Variants in RASSF3 observed in about 807,000 individuals in gnomAD.
RASSF3 encodes the protein Ras association domain family member 3, also known as ras association domain-containing protein 3.
In RASSF3, 19 loss-of-function variants were observed where a neutral mutation model predicts 19.9. The observed-to-expected ratio is 0.96, with a 90% CI of 0.67 to 1.40. The LOEUF (loss-of-function observed/expected upper bound fraction) is 1.40, where lower values mean the gene tolerates loss of function less well. Ranked by LOEUF, RASSF3 falls within the 40% of genes most tolerant of loss-of-function variation. The pLI, the probability that RASSF3 is intolerant of heterozygous loss-of-function variation, is 0.00. For missense variants in RASSF3, 306 were observed against 289.8 expected (o/e 1.06, Z -0.41); for synonymous variants, 110 against 104.2 (o/e 1.06, Z -0.34).
At chr12:64,545,434 A>T (rs1260668286), downstream of RASSF3, among the ~76,000 whole-genome samples, 3 of 152,214 alleles carry the variant, frequency 2.0e-5, no homozygotes, top group African/African-American at 7.2e-5. Context: ...AATTTTAGAA[A>T]ATGATGAAGT....
At chr12:64,541,852 C>T, downstream of RASSF3, 1 of 394,722 alleles carries the variant, frequency 2.5e-6, no homozygotes. Flanking sequence ...TGCTTCTCTC[C>T]TTGCCGCCTG....
chr12:64,596,146 T>C (rs956986628), intron 2 of RASSF3, among the ~76,000 whole-genome samples: 1 of 152,216 alleles, frequency 6.6e-6, no homozygotes, highest in Non-Finnish European at 1.5e-5. Flanking sequence ...GATCAGACCC[T>C]TTTTGTCCAA....
intron 2 of RASSF3, among the ~76,000 whole-genome samples, chr12:64,554,967 C>T (rs760742782): frequency 6.6e-6 from 1 of 152,030 alleles, no homozygotes; most frequent in African/African-American, 2.4e-5. Flanking sequence ...TTTTAGGCCA[C>T]TTATGGTGGC....
chr12:64,607,277 C>CA (rs1239058842), upstream of RASSF3, among the ~76,000 whole-genome samples: 486 of 123,880 alleles, frequency 3.9e-3, 1 homozygote, highest in East Asian at 0.01. Flanking sequence ...GGCCCTGTCT[C>CA]AAAAAAAAAA....
intron 1 of RASSF3, among the ~76,000 whole-genome samples, chr12:64,680,680 C>T (rs1442180622): frequency 6.6e-6 from 1 of 151,854 alleles, no homozygotes; most frequent in Non-Finnish European, 1.5e-5. Context: ...ATGGCGTGAT[C>T]TCGGCTTACT....
At chr12:64,641,442 A>G (rs11175492) in intron 1 of RASSF3, among the ~76,000 whole-genome samples, 20,993 of 113,842 alleles carry the variant, frequency 0.18, 2,164 homozygotes, top group African/African-American at 0.33. Flanking sequence ...AAAACAAATG[A>G]GAAACCCTAT....
intron 1 of RASSF3, among the ~76,000 whole-genome samples, chr12:64,620,006 C>T (rs908431113): frequency 9.3e-5 from 2 of 21,536 alleles, no homozygotes. Flanking sequence ...GAAATTAGTG[C>T]AGGTTGACTG....
chr12:64,611,923 C>T (rs1038955357), intron 1 of RASSF3, among the ~76,000 whole-genome samples: 1 of 152,090 alleles, frequency 6.6e-6, no homozygotes, highest in Admixed American at 6.6e-5. Flanking sequence ...GGAGAGGAGA[C>T]GGTGAAGGGT....
At chr12:64,573,312 AAAAC>A (rs1256401136) in intron 2 of RASSF3, among the ~76,000 whole-genome samples, 1 of 152,194 alleles carries the variant, frequency 6.6e-6, no homozygotes, top group African/African-American at 2.4e-5. Flanking sequence ...ACCTGTCTTA[AAAAC>A]AAACAAACAA....
intron 1 of RASSF3, among the ~76,000 whole-genome samples, chr12:64,644,917 TA>T (rs1871677865): frequency 6.6e-6 from 1 of 151,764 alleles, no homozygotes; most frequent in African/African-American, 2.4e-5. Context: ...AAATAAAAAA[TA>T]AAAAAATTAG....
intron 2 of RASSF3, among the ~76,000 whole-genome samples, chr12:64,553,559 CAGA>C (rs1387532299): frequency 6.6e-6 from 1 of 152,194 alleles, no homozygotes; most frequent in Non-Finnish European, 1.5e-5. Context: ...CACCAAATCT[CAGA>C]AGGAGACGAG....
At position 64,683,772 on chromosome 12, in the gene RASSF3, C is replaced by T. The variant is rs1456697390; in HGVS notation, c.112-1015C>T. ...AGAAATGGCCAATCTAGCAGGCATG[C>T]TGAGGAAATGATGTTTTTGCAGAAG... is the stretch of plus-strand genomic sequence containing the variant. On this transcript the variant is annotated intron_variant, in intron 1 of 4. Coordinates refer to ENST00000542104, the MANE Select transcript of RASSF3 (RefSeq NM_178169.4). Among the ~76,000 whole-genome samples the T allele has an allele frequency of 1.3e-5, 2 of 152,162 alleles. 1 individual carries two copies. Among genetic ancestry groups the T allele is most frequent in the Non-Finnish European group, 2.9e-5 (2 of 68,042 alleles).
At chr12:64,600,206 C>CGATT (rs1870069355) in intron 2 of RASSF3, among the ~76,000 whole-genome samples, 1 of 152,028 alleles carries the variant, frequency 6.6e-6, no homozygotes, top group Non-Finnish European at 1.5e-5. Flanking sequence ...CATCTGTAAT[C>CGATT]CCAGCACCTT....
intron 2 of RASSF3, among the ~76,000 whole-genome samples, chr12:64,556,423 G>T (rs552754137): frequency 1.4e-3 from 217 of 152,234 alleles, no homozygotes; most frequent in Non-Finnish European, 2.4e-3. Flanking sequence ...CTCTCAAAGT[G>T]CTGGGATTAC....
At chr12:64,635,779 G>A (rs1031835734) in intron 1 of RASSF3, among the ~76,000 whole-genome samples, 13 of 152,180 alleles carry the variant, frequency 8.5e-5, no homozygotes, top group African/African-American at 3.1e-4. Flanking sequence ...CTTTGTGCAT[G>A]TGTGTGGAGC....
chr12:64,598,044 G>A (rs1870024213), intron 2 of RASSF3, among the ~76,000 whole-genome samples: 1 of 152,004 alleles, frequency 6.6e-6, no homozygotes, highest in African/African-American at 2.4e-5. Context: ...CACCTCCCGA[G>A]TAGCTGGGAT....
At chr12:64,676,532 C>T (rs1872910911) in intron 1 of RASSF3, among the ~76,000 whole-genome samples, 1 of 141,088 alleles carries the variant, frequency 7.1e-6, no homozygotes, top group Non-Finnish European at 1.5e-5. Context: ...AGTGCAGTGG[C>T]ACAATTTTGG....
intron 1 of RASSF3, among the ~76,000 whole-genome samples, chr12:64,630,376 A>G (rs1410258391): frequency 6.6e-6 from 1 of 151,942 alleles, no homozygotes; most frequent in Non-Finnish European, 1.5e-5. Context: ...AAAAAGAGAA[A>G]TTATCCAAAT....
intron 1 of RASSF3, among the ~76,000 whole-genome samples, chr12:64,511,891 CTT>C (rs1056727767): frequency 1.5e-4 from 23 of 152,286 alleles, no homozygotes; most frequent in African/African-American, 5.5e-4. Flanking sequence ...CACTAACAAT[CTT>C]CTCTGGTTCT....
Sources: allele counts gnomAD v4.1 joint callset (sites outside exome capture counted in the v4.1 genomes callset), GRCh38; gene constraint gnomAD v4.1.1; transcripts MANE v1.5; gene names NCBI Gene and HGNC (gene_info 2026-07-23, HGNC 2026-07-21).